The following ZYX variants were observed in gnomAD, a reference collection of about 807,000 sequenced individuals.
The protein encoded by ZYX is zyxin.
ZYX carries 37 observed loss-of-function variants against 58.1 expected under a neutral mutation model. That is an observed-to-expected ratio of 0.64 (90% confidence interval 0.49 to 0.84). The LOEUF (loss-of-function observed/expected upper bound fraction) is 0.84. Ranked by LOEUF, ZYX falls within the 40% of genes least tolerant of loss-of-function variation. The pLI is 0.00. For missense variants in ZYX, 762 were observed against 761.6 expected, an observed-to-expected ratio of 1.00 and a Z score of -0.01; for synonymous variants, 324 against 321.1, an observed-to-expected ratio of 1.01 and a Z score of -0.10.
rs1249498158 is a variant in ZYX, at chr7:143,390,694, C to T, written c.*12C>T. ...GAGCCCAGACCTGAGTGAGGACAGGCCCTCTTCAGACCGCAGTCCATGCCC... is the reference window on the plus strand; with the variant it reads ...GAGCCCAGACCTGAGTGAGGACAGGTCCTCTTCAGACCGCAGTCCATGCCC... On this transcript the variant is annotated 3_prime_UTR_variant, in exon 10 of 10. Transcript: ENST00000322764. This position sits in a 1 kb window ranked among gnomAD's most constrained non-coding sequence, Gnocchi z 4.3. 4 of 1,559,786 alleles carry T rather than the reference C, an allele frequency of 2.6e-6. No homozygotes were observed. The highest frequency in any genetic ancestry group is 3.5e-6 in the Non-Finnish European group (4 of 1,149,722).
At position 143,387,066 on chromosome 7, in the gene ZYX, T is replaced by C. The variant is rs1370127835; in HGVS notation, c.1024-1153T>C. Among the ~76,000 whole-genome samples, 1 of 151,910 alleles carries C rather than the reference T, an allele frequency of 6.6e-6. No homozygotes were observed. The highest frequency in any genetic ancestry group is 1.5e-5 in the Non-Finnish European group (1 of 67,974). ...TCCCCAAGAGGCCAGGAAGGGAAGA[T>C]TGGAGGAGACAAAGTTGAAGTGAGT... On this transcript the variant is annotated intron_variant, in intron 5 of 9. Coordinates refer to ENST00000322764, the MANE Select transcript of ZYX (RefSeq NM_003461.5). The surrounding 1 kb of genome is among the most constrained non-coding windows in gnomAD (Gnocchi z 5.8).
chr7:143,388,223 G>C lies in ZYX; in HGVS notation c.1028G>C (p.Arg343Pro). 5 of 1,603,034 alleles carry C rather than the reference G, an allele frequency of 3.1e-6. No individual in the cohort carries two copies. The highest frequency in any genetic ancestry group is 3.4e-6 in the Non-Finnish European group (4 of 1,174,692). ...PPPAQNQNQVRSPGAPGPLTL... is the reference protein window; with the variant it reads ...PPPAQNQNQVPSPGAPGPLTL... ...AGGAAAATGTTGGGATTGCAGGTGC[G>C]CTCCCCTGGGGCCCCAGGGCCCCTG... Residue 343 changes from arginine to proline, a missense_variant, in exon 6 of 10, where the codon CGC (arginine) becomes CCC (proline). Coordinates refer to ENST00000322764, the MANE Select transcript of ZYX (RefSeq NM_003461.5). This position sits in a 1 kb window ranked among gnomAD's most constrained non-coding sequence, Gnocchi z 7.5.
At chr7:143,382,716 C>T in intron 4 of ZYX, 31 bp downstream of exon 4, 3 of 1,614,036 alleles carry the variant, frequency 1.9e-6, no homozygotes, top group South Asian at 2.2e-5. Flanking sequence ...AAAAGCAGGG[C>T]TCAGGGCCAG....
chr7:143,385,272 T>G (rs1216353230), intron 5 of ZYX, among the ~76,000 whole-genome samples: 1 of 152,008 alleles, frequency 6.6e-6, no homozygotes, highest in Non-Finnish European at 1.5e-5. Context: ...GGGCTGCTGG[T>G]GTAGCCTGGT....
chr7:143,383,141 G>A lies in ZYX; in HGVS notation c.842G>A (p.Ser281Asn). The stretch of plus-strand genomic sequence containing the variant: ...TTTACTCCTGTGGCTTCCAAGTTCA[G>A]TCCTGGAGCCCCAGGTGGATCTGGG... Reference protein sequence around the residue: ...PKFTPVASKFSPGAPGGSGSQ... With the variant: ...PKFTPVASKFNPGAPGGSGSQ... Residue 281 changes from serine to asparagine, a missense_variant, in exon 5 of 10, where the codon AGT (serine) becomes AAT (asparagine). Ser to Asn is a conservative substitution (Grantham distance 46, BLOSUM62 1). Coordinates refer to ENST00000322764, the MANE Select transcript of ZYX (RefSeq NM_003461.5). 6.2e-7 allele frequency: 1 copy of A among 1,614,218 alleles called. No homozygotes were observed. Among genetic ancestry groups the A allele is most frequent in the Non-Finnish European group, 8.5e-7 (1 of 1,180,044 alleles).
chr7:143,390,571 T>A lies in ZYX; in HGVS notation c.1615-7T>A. 6.4e-7 allele frequency: 1 copy of A among 1,558,072 alleles called. No homozygotes were observed. Among genetic ancestry groups the A allele is most frequent in the South Asian group, 1.2e-5 (1 of 84,534 alleles). On this transcript the variant is annotated splice_region_variant and splice_polypyrimidine_tract_variant and intron_variant, in intron 9 of 9. Coordinates refer to ENST00000322764, the MANE Select transcript of ZYX (RefSeq NM_003461.5). The surrounding 1 kb of genome is among the most constrained non-coding windows in gnomAD (Gnocchi z 4.3). The stretch of plus-strand genomic sequence containing the variant: ...GTCCAGTGCCCCTCACCCTTCCTTC[T>A]TCCCAGGACTGCGGGAAGCCCCTGT...
chr7:143,381,528 G>A, intron 1 of ZYX, 29 bp from the exon 2 acceptor site: 1 of 1,584,754 alleles, frequency 6.3e-7, no homozygotes, highest in East Asian at 2.3e-5. Context: ...GCCCGGCTCC[G>A]CGCTGCGTAA....
chr7:143,386,244 G>A (rs1429052526), intron 5 of ZYX, among the ~76,000 whole-genome samples: 1 of 152,022 alleles, frequency 6.6e-6, no homozygotes, highest in Non-Finnish European at 1.5e-5. Flanking sequence ...GGCTGCTTCG[G>A]TCCCTGGAGG....
intron 5 of ZYX, among the ~76,000 whole-genome samples, chr7:143,385,536 C>T (rs1388331431): frequency 2.0e-5 from 3 of 150,532 alleles, no homozygotes; most frequent in Admixed American, 2.0e-4. Flanking sequence ...GTGAGTGTGG[C>T]TGTGATGTGT....
chr7:143,386,687 G>T (rs2116583457), intron 5 of ZYX, among the ~76,000 whole-genome samples: 1 of 152,204 alleles, frequency 6.6e-6, no homozygotes, highest in South Asian at 2.1e-4. Flanking sequence ...GCTGGGGCAT[G>T]GTGGACAAAG....
At position 143,390,617 on chromosome 7, in the gene ZYX, G is replaced by A; in HGVS notation, c.1654G>A (p.Gly552Ser). The A allele has an allele frequency of 3.2e-6, 5 of 1,584,834 alleles. No individual in the cohort carries two copies. The highest frequency in any genetic ancestry group is 4.3e-6 in the Non-Finnish European group (5 of 1,165,190). ...KPLSIEADDN[G>S]CFPLDGHVLC... Reference sequence around the variant, plus strand: ...CCTGTCGATTGAGGCAGATGACAATGGCTGCTTCCCCCTGGACGGTCACGT... The same window carrying A: ...CCTGTCGATTGAGGCAGATGACAATAGCTGCTTCCCCCTGGACGGTCACGT... Residue 552 changes from glycine (G) to serine (S), a missense_variant, in exon 10 of 10, where the codon GGC (glycine) becomes AGC (serine). By Grantham distance (56) the Gly-to-Ser change is moderately conservative. Coordinates refer to ENST00000322764, the MANE Select transcript of ZYX (RefSeq NM_003461.5). This position sits in a 1 kb window ranked among gnomAD's most constrained non-coding sequence, Gnocchi z 4.3.
chr7:143,388,371 T>A lies in ZYX; in HGVS notation c.1144+32T>A. 1 of 1,612,086 alleles carries A rather than the reference T, an allele frequency of 6.2e-7. No individual in the cohort carries two copies. The highest frequency in any genetic ancestry group is 8.5e-7 in the Non-Finnish European group (1 of 1,178,814). On this transcript the variant is annotated intron_variant, in intron 6 of 9. Coordinates refer to ENST00000322764, the MANE Select transcript of ZYX (RefSeq NM_003461.5). The surrounding 1 kb of genome is among the most constrained non-coding windows in gnomAD (Gnocchi z 7.5). The stretch of plus-strand genomic sequence containing the variant: ...CCACCCCACCGGGACACCCCCACCC[T>A]GCCCCCACATCACGGTGGGGGCCAG...
Position 143,388,989 on chromosome 7 carries a change from TCTGGTAGCCCGG to T in ZYX, c.1493+48_1493+59del. 1.3e-6 allele frequency: 2 copies of T among 1,575,090 alleles called. No homozygotes were observed. The highest frequency in any genetic ancestry group is 1.7e-6 in the Non-Finnish European group (2 of 1,160,648). ...CCTTCTGGGTTCCCGGCGTGCTTGG[TCTGGTAGCCCGG>T]CTGCTTGCTACCCTAGCCTCAGGAC... is the stretch of plus-strand genomic sequence containing the variant. On this transcript the variant is annotated intron_variant, in intron 8 of 9. Transcript: ENST00000322764. This position sits in a 1 kb window ranked among gnomAD's most constrained non-coding sequence, Gnocchi z 7.5.
rs758546663 is a variant in ZYX, at chr7:143,382,339, CGAG to C, written c.303_305del (p.Glu102del). 36 of 1,605,428 alleles carry C rather than the reference CGAG, an allele frequency of 2.2e-5. No homozygotes were observed. The highest frequency in any genetic ancestry group is 3.1e-5 in the Non-Finnish European group (36 of 1,175,092). ...CCTTCCCGCCGCCCCCTCCCCCGAT[CGAG>C]GAATCATTTCCCCCTGCGCCTCTGG... On this transcript the variant is annotated inframe_deletion, in exon 3 of 10. Coordinates refer to ENST00000322764, the MANE Select transcript of ZYX (RefSeq NM_003461.5).
Position 143,389,035 on chromosome 7 carries a change from AC to A in ZYX, c.1493+94del. ...TACCCTAGCCTCAGGACAGCCCCAA[AC>A]CCCTGGTGGTGTTTTCTGGTCCCAT... is the stretch of plus-strand genomic sequence containing the variant. On this transcript the variant is annotated intron_variant, in intron 8 of 9. Transcript: ENST00000322764. The surrounding 1 kb of genome is among the most constrained non-coding windows in gnomAD (Gnocchi z 5.6). 1 of 1,444,084 alleles carries A rather than the reference AC, an allele frequency of 6.9e-7. No homozygotes were observed. Among genetic ancestry groups the A allele is most frequent in the Admixed American group, 2.1e-5 (1 of 47,980 alleles). The allele number at this position is 1,444,084 out of a possible 1,614,324, so 89.5% of individuals were successfully genotyped here.
rs59995035 is a variant in ZYX, at chr7:143,385,660, C to CTTTT, written c.1023+2361_1023+2364dup. Among the ~76,000 whole-genome samples the CTTTT allele has an allele frequency of 5.3e-3, 367 of 68,970 alleles. 30 individuals are homozygous for CTTTT. Among genetic ancestry groups the CTTTT allele is most frequent in the African/African-American group, 0.019 (322 of 17,394 alleles). 45.2% of individuals were successfully genotyped at this position (68,970 alleles called of 152,430 possible). A position where few individuals can be genotyped will look rare whatever the true frequency, so the allele number is the denominator to read the frequency against. Reference sequence around the variant, plus strand: ...TGTGTGAGCGTGTGGTGTGGTATATCTTTTTTTTTTTTTTTTTTTTTTTTT... The same window carrying CTTTT: ...TGTGTGAGCGTGTGGTGTGGTATATCTTTTTTTTTTTTTTTTTTTTTTTTTTTTT... On this transcript the variant is annotated intron_variant, in intron 5 of 9. Coordinates refer to ENST00000322764, the MANE Select transcript of ZYX (RefSeq NM_003461.5).
chr7:143,381,486 C>A, intron 1 of ZYX, 71 bp from the exon 2 acceptor site: 1 of 1,438,488 alleles, frequency 7.0e-7, no homozygotes, highest in Non-Finnish European at 9.2e-7. Flanking sequence ...TGGGGGTCAC[C>A]AAGGGGAGCT....
At chr7:143,382,720 G>A in intron 4 of ZYX, 35 bp downstream of exon 4, 1 of 1,614,090 alleles carries the variant, frequency 6.2e-7, no homozygotes, top group Non-Finnish European at 8.5e-7. Context: ...GCAGGGCTCA[G>A]GGCCAGAGAG....
Position 143,388,565 on chromosome 7 carries a change from C to A in ZYX, c.1221C>A (p.Ile407=). The A allele has an allele frequency of 1.2e-6, 2 of 1,611,990 alleles. No homozygotes were observed. Among genetic ancestry groups the A allele is most frequent in the Non-Finnish European group, 1.7e-6 (2 of 1,179,964 alleles). ...GCGCTCTAGGGCAGCTGTTCCACAT[C>A]GCCTGCTTCACCTGCCACCAGTGTG... ...AVRALGQLFH[I]ACFTCHQCAQ... Residue 407 remains isoleucine (I), a synonymous_variant, in exon 7 of 10, where the codon ATC becomes ATA. Coordinates refer to ENST00000322764, the MANE Select transcript of ZYX (RefSeq NM_003461.5). This position sits in a 1 kb window ranked among gnomAD's most constrained non-coding sequence, Gnocchi z 7.5.
Sources: allele counts gnomAD v4.1 joint callset (sites outside exome capture counted in the v4.1 genomes callset), GRCh38; gene constraint gnomAD v4.1.1; non-coding constraint Gnocchi (gnomAD v3.1); transcripts MANE v1.5; gene names NCBI Gene and HGNC (gene_info 2026-07-23, HGNC 2026-07-21).